PPARGC1A: variants seen among roughly 807,000 people sequenced by gnomAD.
PPARGC1A encodes the protein PPARG coactivator 1 alpha, also known as peroxisome proliferator-activated receptor gamma coactivator 1-alpha.
Under a neutral mutation model 88.7 loss-of-function variants are expected in PPARGC1A, and 25 were observed. The ratio of observed to expected loss-of-function variants is 0.28; its 90% confidence interval spans 0.21 to 0.39. The LOEUF is 0.39. Ranked by LOEUF, PPARGC1A falls within the 10% of genes least tolerant of loss-of-function variation. The pLI, the probability that PPARGC1A is intolerant of heterozygous loss-of-function variation, is 1.00. For missense variants in PPARGC1A, 880 were observed against 968.7 expected (o/e 0.91, Z 1.22); for synonymous variants, 363 against 355.6 (o/e 1.02, Z -0.24).
the PPARGC1A span, among the ~76,000 whole-genome samples, chr4:24,467,000 AGGAAGGGG>A: frequency 7.0e-6 from 1 of 142,682 alleles, no homozygotes; most frequent in African/African-American, 2.6e-5. Flanking sequence ...GGAGGGAGGA[AGGAAGGGG>A]AGAAAGAAAG....
chr4:24,108,264 C>G, the PPARGC1A span, among the ~76,000 whole-genome samples: 1 of 152,124 alleles, frequency 6.6e-6, no homozygotes, highest in African/African-American at 2.4e-5. Context: ...ACATCTTCCT[C>G]CCATTTCAAC....
chr4:24,291,174 G>A, the PPARGC1A span, among the ~76,000 whole-genome samples: 62 of 152,252 alleles, frequency 4.1e-4, no homozygotes, highest in Admixed American at 1.8e-3. Flanking sequence ...TAGGTGCCCA[G>A]TGTCACTCCT....
At chr4:24,151,535 C>T in the PPARGC1A span, among the ~76,000 whole-genome samples, 3 of 152,212 alleles carry the variant, frequency 2.0e-5, no homozygotes, top group South Asian at 2.1e-4. Context: ...GAAGGGAACA[C>T]ATTCAGTCTA....
At chr4:23,800,554 C>A (rs6856300) in intron 12 of PPARGC1A, among the ~76,000 whole-genome samples, 1 of 150,554 alleles carries the variant, frequency 6.6e-6, no homozygotes, top group African/African-American at 2.4e-5. Flanking sequence ...CAGCAGAACA[C>A]GAATTTATAT....
chr4:24,132,858 G>A, the PPARGC1A span, among the ~76,000 whole-genome samples: 1 of 151,660 alleles, frequency 6.6e-6, no homozygotes, highest in Non-Finnish European at 1.5e-5. Context: ...TCTTGGTGGT[G>A]GCATTGCTCT....
At chr4:24,149,866 T>A in the PPARGC1A span, among the ~76,000 whole-genome samples, 3 of 152,208 alleles carry the variant, frequency 2.0e-5, no homozygotes, top group African/African-American at 7.2e-5. Flanking sequence ...TAAATCTAAA[T>A]CTAATTTTTC....
chr4:23,949,674 G>A, the PPARGC1A span, among the ~76,000 whole-genome samples: 863 of 152,172 alleles, frequency 5.7e-3, 44 homozygotes, highest in East Asian at 0.092. Context: ...ATCTCAAGAT[G>A]TCTTCTTCCT....
intron 7 of PPARGC1A, among the ~76,000 whole-genome samples, chr4:23,823,941 C>A (rs1723449919): frequency 6.6e-6 from 1 of 152,052 alleles, no homozygotes; most frequent in African/African-American, 2.4e-5. Flanking sequence ...ATGGCCAGAG[C>A]CAAGGAATTT....
the PPARGC1A span, among the ~76,000 whole-genome samples, chr4:23,947,352 G>GATTGAT: frequency 1.1e-4 from 8 of 75,794 alleles, no homozygotes; most frequent in African/African-American, 4.3e-4. Context: ...GTTATATAGT[G>GATTGAT]ATATATATAT....
At chr4:23,895,962 G>A (rs1371890005) in intron 1 of PPARGC1A, among the ~76,000 whole-genome samples, 1 of 52,466 alleles carries the variant, frequency 1.9e-5, no homozygotes, top group Admixed American at 1.1e-4. Flanking sequence ...GTGTGTGTGT[G>A]TGTGTGTGTG....
the PPARGC1A span, among the ~76,000 whole-genome samples, chr4:24,197,199 G>T: frequency 6.6e-6 from 1 of 152,244 alleles, no homozygotes; most frequent in Non-Finnish European, 1.5e-5. Flanking sequence ...AAGGAGGACA[G>T]TGAGGAACCA....
chr4:24,177,855 AGTC>A, the PPARGC1A span, among the ~76,000 whole-genome samples: 2 of 152,078 alleles, frequency 1.3e-5, no homozygotes, highest in Middle Eastern at 3.2e-3. Flanking sequence ...GCATATGAGA[AGTC>A]TTAGGATAGA....
chr4:24,120,666 C>G, the PPARGC1A span, among the ~76,000 whole-genome samples: 46 of 152,088 alleles, frequency 3.0e-4, no homozygotes, highest in African/African-American at 1.1e-3. Context: ...GAGGTGGGGT[C>G]TTTGGAAGGT....
At chr4:24,068,513 T>G in the PPARGC1A span, among the ~76,000 whole-genome samples, 1 of 152,190 alleles carries the variant, frequency 6.6e-6, no homozygotes, top group African/African-American at 2.4e-5. Context: ...TCTGTATGAC[T>G]GGAGCATAGT....
At chr4:24,445,047 T>C in the PPARGC1A span, among the ~76,000 whole-genome samples, 47 of 151,926 alleles carry the variant, frequency 3.1e-4, no homozygotes, top group African/African-American at 1.1e-3. Flanking sequence ...AGCAAGACCC[T>C]GTCTCAAAAA....
chr4:24,151,665 A>G, the PPARGC1A span, among the ~76,000 whole-genome samples: 1 of 152,208 alleles, frequency 6.6e-6, no homozygotes, highest in African/African-American at 2.4e-5. Flanking sequence ...GTTCACAAAG[A>G]TGAGTAGGTA....
chr4:24,029,883 T>C, the PPARGC1A span, among the ~76,000 whole-genome samples: 1 of 152,176 alleles, frequency 6.6e-6, no homozygotes, highest in East Asian at 1.9e-4. Context: ...AAATGCCCTA[T>C]ATTAAATAAT....
At chr4:24,317,551 G>A in the PPARGC1A span, among the ~76,000 whole-genome samples, 5 of 46,720 alleles carry the variant, frequency 1.1e-4, no homozygotes, top group African/African-American at 1.8e-4. Context: ...AGTGTTCAGA[G>A]GACTAAAAAA....
At chr4:24,030,479 A>G in the PPARGC1A span, among the ~76,000 whole-genome samples, 1 of 152,224 alleles carries the variant, frequency 6.6e-6, no homozygotes, top group African/African-American at 2.4e-5. Flanking sequence ...TAATTCATAC[A>G]ACTCAAAGAC....
Sources: gnomAD v4.1 joint callset for allele counts (sites outside exome capture counted in the v4.1 genomes callset) on GRCh38, gnomAD v4.1.1 for gene constraint, MANE v1.5 for transcripts, NCBI Gene and HGNC (gene_info 2026-07-23, HGNC 2026-07-21) for gene names.